Variants in SLC3A2 observed in about 807,000 individuals in gnomAD.
The protein encoded by SLC3A2 is solute carrier family 3 member 2, also known as amino acid transporter heavy chain SLC3A2.
Under a neutral mutation model 48.5 loss-of-function variants are expected in SLC3A2, and 32 were observed. That is an observed-to-expected ratio of 0.66 (90% CI 0.50 to 0.89). The LOEUF (loss-of-function observed/expected upper bound fraction) is 0.89, where lower values mean the gene tolerates loss of function less well. SLC3A2 is among the 40% of genes least tolerant of loss of function. The pLI, the probability that SLC3A2 is intolerant of heterozygous loss-of-function variation, is 0.00. For missense variants in SLC3A2, 587 were observed against 680.7 expected, an observed-to-expected ratio of 0.86 and a Z score of 1.53; for synonymous variants, 277 against 288.8, an observed-to-expected ratio of 0.96 and a Z score of 0.41.
At position 62,881,167 on chromosome 11, in the gene SLC3A2, G is replaced by A; in HGVS notation, c.144G>A (p.Ala48=). Residue 48 remains alanine, a synonymous_variant, in exon 1 of 9, where the codon GCG becomes GCA. Transcript: ENST00000338663. The surrounding 1 kb of genome is among the most constrained non-coding windows in gnomAD (Gnocchi z 4.0). ...EKNGLVKIKV[A]EDEAEAAAAA... ...ATGGTCTGGTGAAGATCAAGGTGGC[G>A]GAAGACGAGGCGGAGGCGGCAGCCG... 2 of 1,597,412 alleles carry A rather than the reference G, an allele frequency of 1.3e-6. No homozygotes were observed. The highest frequency in any genetic ancestry group is 1.1e-5 in the South Asian group (1 of 88,484).
intron 1 of SLC3A2, among the ~76,000 whole-genome samples, chr11:62,864,828 G>A (rs1379541667): frequency 6.6e-6 from 1 of 151,634 alleles, no homozygotes; most frequent in Non-Finnish European, 1.5e-5. Flanking sequence ...GAGTGCAGTG[G>A]TGCAATCTCG....
At position 62,885,536 on chromosome 11, in the gene SLC3A2, C is replaced by T. The variant is rs2085701627; in HGVS notation, c.1071C>T (p.Phe357=). ...TCCGACTCTACCAGCTGATGCTCTT[C>T]ACCCTGCCAGGGACCCCTGTTTTCA... ...QLLRLYQLML[F]TLPGTPVFSY... The change falls in exon 7 of 9, where the codon TTC becomes TTT. Residue 357 remains phenylalanine (F), a synonymous_variant. Transcript: ENST00000338663. 3 of 1,614,086 alleles carry T rather than the reference C, an allele frequency of 1.9e-6. No homozygotes were observed. Among genetic ancestry groups the T allele is most frequent in the Non-Finnish European group, 2.5e-6 (3 of 1,180,042 alleles).
rs1401059181 is a variant in SLC3A2, at chr11:62,868,555, C to T, written c.112+12174C>T. ...TAATTTTTTGTATTTTTAGTGGAGA[C>T]GGGGTTTCACCATGTTAGCCAGGAT... On this transcript the variant is annotated intron_variant, in intron 1 of 9. Coordinates refer to the SLC3A2 transcript ENST00000377889. Among the ~76,000 whole-genome samples the T allele has an allele frequency of 7.9e-5, 12 of 151,614 alleles. No individual in the cohort carries two copies. In the East Asian group the frequency reaches 9.8e-4, roughly 12 times the overall value.
chr11:62,872,589 G>A (rs1277031081), intron 1 of SLC3A2, among the ~76,000 whole-genome samples: 2 of 152,122 alleles, frequency 1.3e-5, no homozygotes, highest in African/African-American at 2.4e-5. Context: ...AAGAGACTTG[G>A]TGTTGAAATT....
intron 3 of SLC3A2, chr11:62,884,080 TTC>T (rs2085676121): frequency 4.3e-6 from 2 of 467,230 alleles, no homozygotes; most frequent in Admixed American, 4.7e-5. Context: ...GTCTCCCTGC[TTC>T]TCTGGGTCTG....
intron 7 of SLC3A2, chr11:62,886,316 A>G (rs979356052): frequency 5.3e-5 from 8 of 151,816 alleles, no homozygotes; most frequent in Non-Finnish European, 1.2e-4. Context: ...GAAAAGAAAG[A>G]AAGAAATACA....
rs116941574 is a variant in SLC3A2, at chr11:62,881,560, C to G, written c.424+113C>G. The G allele has an allele frequency of 2.7e-3, 3,785 of 1,395,010 alleles. 17 individuals are homozygous for G. The highest frequency in any genetic ancestry group is 0.019 in the Middle Eastern group (73 of 3,840). 86.4% of individuals were successfully genotyped at this position (1,395,010 alleles called of 1,614,324 possible). ...GATGGTTCTTCCCTCCATCCCGTAC[C>G]GACGACTGTTCCCCCTTCCCCCACC... On this transcript the variant is annotated intron_variant, in intron 1 of 8. Coordinates refer to ENST00000338663, the MANE Select transcript of SLC3A2 (RefSeq NM_001013251.3). The surrounding 1 kb of genome is among the most constrained non-coding windows in gnomAD (Gnocchi z 4.0).
intron 2 of SLC3A2, chr11:62,882,678 T>C (rs2085658144): frequency 2.1e-6 from 1 of 483,066 alleles, no homozygotes; most frequent in South Asian, 2.2e-5. Context: ...AGAGACAATT[T>C]TCAACATGTT....
chr11:62,864,765 C>T (rs551747466), intron 1 of SLC3A2, among the ~76,000 whole-genome samples: 9 of 146,360 alleles, frequency 6.1e-5, no homozygotes, highest in East Asian at 2.1e-4. Context: ...CACGCCCGGC[C>T]GCTAATTTTT....
rs752132293 is a variant in SLC3A2 at position 62,888,630 on chromosome 11, G to A, written c.1527G>A (p.Glu509=). 6.2e-7 allele frequency: 1 copy of A among 1,608,340 alleles called. No homozygotes were observed. Among genetic ancestry groups the A allele is most frequent in the Non-Finnish European group, 8.5e-7 (1 of 1,179,940 alleles). Residue 509 remains glutamate (E), a synonymous_variant, in exon 9 of 9, where the codon GAG becomes GAA. Coordinates refer to ENST00000338663, the MANE Select transcript of SLC3A2 (RefSeq NM_001013251.3). ...QPGREEGSPL[E]LERLKLEPHE... is the part of the protein sequence containing the mutation. Reference sequence around the variant, plus strand: ...GCCGTGAGGAGGGCTCCCCTCTTGAGCTGGAACGCCTGAAACTGGAGCCTC... The same window carrying A: ...GCCGTGAGGAGGGCTCCCCTCTTGAACTGGAACGCCTGAAACTGGAGCCTC...
At chr11:62,874,262 A>C (rs1312953165) in intron 1 of SLC3A2, among the ~76,000 whole-genome samples, 1 of 151,892 alleles carries the variant, frequency 6.6e-6, no homozygotes, top group African/African-American at 2.4e-5. Flanking sequence ...TTTTGATGAG[A>C]TTAAGTATTC....
chr11:62,865,719 A>G (rs770488926), intron 1 of SLC3A2, among the ~76,000 whole-genome samples: 10 of 151,926 alleles, frequency 6.6e-5, no homozygotes, highest in Non-Finnish European at 1.5e-4. Flanking sequence ...GGCTATCCGC[A>G]TATTTTTCCC....
chr11:62,883,427 T>G (rs760174463), intron 3 of SLC3A2: 1 of 194,220 alleles, frequency 5.1e-6, no homozygotes, highest in Non-Finnish European at 1.1e-5. Flanking sequence ...ATGCCAAGTA[T>G]TTTATAGATG....
At chr11:62,859,327 C>T (rs1255000639) in intron 1 of SLC3A2, among the ~76,000 whole-genome samples, 5 of 152,196 alleles carry the variant, frequency 3.3e-5, no homozygotes, top group Non-Finnish European at 5.9e-5. Context: ...TGACACAGCA[C>T]ATGTTTCAGA....
chr11:62,888,786 C>T lies in SLC3A2; in HGVS notation c.*93C>T. ...TCTTTTTTAAAAACAAACAAACAAA[C>T]TGTTGCAGATTATGAGTGAACCCCC... On this transcript the variant is annotated 3_prime_UTR_variant, in exon 9 of 9. Coordinates refer to ENST00000338663, the MANE Select transcript of SLC3A2 (RefSeq NM_001013251.3). The T allele has an allele frequency of 7.8e-7, 1 of 1,277,604 alleles. No individual in the cohort carries two copies. Among genetic ancestry groups the T allele is most frequent in the Non-Finnish European group, 1.1e-6 (1 of 935,906 alleles). 79.1% of individuals were successfully genotyped at this position (1,277,604 alleles called of 1,614,324 possible).
At chr11:62,857,644 T>A (rs2085349625) in intron 1 of SLC3A2, among the ~76,000 whole-genome samples, 1 of 127,936 alleles carries the variant, frequency 7.8e-6, no homozygotes, top group South Asian at 2.5e-4. Flanking sequence ...TGAGCTGTGA[T>A]CAAGCCACTG....
chr11:62,880,062 G>A (rs2085612830), upstream of SLC3A2, among the ~76,000 whole-genome samples: 1 of 152,170 alleles, frequency 6.6e-6, no homozygotes, highest in African/African-American at 2.4e-5. Flanking sequence ...ATGCCTCTGA[G>A]ACCTAGCTCT....
chr11:62,857,763 T>G, intron 1 of SLC3A2, among the ~76,000 whole-genome samples: 1 of 129,010 alleles, frequency 7.8e-6, no homozygotes. Flanking sequence ...TGGCCCAGAG[T>G]AGACAGACAA....
chr11:62,881,651 A>C lies in SLC3A2; in HGVS notation c.424+204A>C. 1 of 889,976 alleles carries C rather than the reference A, an allele frequency of 1.1e-6. No individual in the cohort carries two copies. Among genetic ancestry groups the C allele is most frequent in the African/African-American group, 1.9e-5 (1 of 53,606 alleles). The allele number at this position is 889,976 out of a possible 1,614,324, so 55.1% of individuals were successfully genotyped here. A position where few individuals can be genotyped will look rare whatever the true frequency, so the allele number is the denominator to read the frequency against. ...AAGCCGACCCGCCCCTCACTCCGTC[A>C]CGAGGGTGGGTGACTCAGCGTCCTC... On this transcript the variant is annotated intron_variant, in intron 1 of 8. Transcript: ENST00000338663. The surrounding 1 kb of genome is among the most constrained non-coding windows in gnomAD (Gnocchi z 4.0).
Sources: gnomAD v4.1 joint callset for allele counts (sites outside exome capture counted in the v4.1 genomes callset) on GRCh38, gnomAD v4.1.1 for gene constraint, Gnocchi (gnomAD v3.1) non-coding constraint, MANE v1.5 for transcripts, NCBI Gene and HGNC (gene_info 2026-07-23, HGNC 2026-07-21) for gene names.